The following ANKMY1 variants were observed in gnomAD, a reference collection of about 807,000 sequenced individuals.
ANKMY1 encodes ankyrin repeat and MYND domain containing 1.
In ANKMY1, 98 loss-of-function variants were observed where a neutral mutation model predicts 102.0. The ratio of observed to expected loss-of-function variants is 0.96; its 90% CI spans 0.82 to 1.14. ANKMY1 has a LOEUF of 1.14. Ranked by LOEUF, ANKMY1 falls within the 50% of genes most tolerant of loss-of-function variation. ANKMY1 has a pLI of 0.00. For missense variants in ANKMY1, 1,330 were observed against 1,347.6 expected (o/e 0.99, Z 0.20); for synonymous variants, 582 against 559.9 (o/e 1.04, Z -0.56).
chr2:240,536,291 C>G (rs2086716934), intron 4 of ANKMY1, among the ~76,000 whole-genome samples: 1 of 151,488 alleles, frequency 6.6e-6, no homozygotes, highest in South Asian at 2.1e-4. Context: ...CTTTTTTTTT[C>G]TTTTGGAAAA....
At chr2:240,527,528 C>A (rs1321918112) in intron 5 of ANKMY1, 1 of 13,510 alleles carries the variant, frequency 7.4e-5, no homozygotes, top group South Asian at 2.2e-3. Flanking sequence ...CGTGAGTATA[C>A]TGATGGATGA....
intron 4 of ANKMY1, among the ~76,000 whole-genome samples, chr2:240,551,514 T>A (rs985892650): frequency 1.3e-5 from 2 of 152,234 alleles, no homozygotes; most frequent in African/African-American, 4.8e-5. Context: ...GAACCACAGT[T>A]CTTGCTGTGC....
intron 15 of ANKMY1, among the ~76,000 whole-genome samples, chr2:240,488,695 T>C (rs1490381992): frequency 6.6e-6 from 1 of 152,212 alleles, no homozygotes; most frequent in Non-Finnish European, 1.5e-5. Flanking sequence ...AACTCCTTGG[T>C]TAAATTTATT....
At chr2:240,478,922 G>A (rs143261984), downstream of ANKMY1, among the ~76,000 whole-genome samples, 67 of 152,142 alleles carry the variant, frequency 4.4e-4, no homozygotes, top group East Asian at 0.01. Context: ...GGATGCTGTC[G>A]TCCTTCTCCA....
rs981155811 is a variant in ANKMY1 at position 240,536,065 on chromosome 2, T to C, written c.481-6556A>G. Among the ~76,000 whole-genome samples the C allele has an allele frequency of 8.6e-5, 13 of 152,040 alleles. 1 individual carries two copies. Among genetic ancestry groups the C allele is most frequent in the Non-Finnish European group, 1.5e-5 (1 of 68,014 alleles). On this transcript the variant is annotated intron_variant, in intron 4 of 17. Coordinates refer to ENST00000401804, the MANE Select transcript of ANKMY1 (RefSeq NM_001282771.3). ...GCAGAAAATCAATAACAAAAAACTA[T>C]CTAGAGCCTGAACACTAAGCAATAC...
In ANKMY1 at chr2:240,526,266, G is replaced by A. The variant is rs117389170; in HGVS notation, c.1133C>T (p.Ala378Val). ...AAGCACAGTGTAGCCCTTTGCGTCCGCCACGTCAGCACTAGCAAAGTTGTC... is the reference window on the plus strand; with the variant it reads ...AAGCACAGTGTAGCCCTTTGCGTCCACCACGTCAGCACTAGCAAAGTTGTC... The part of the protein sequence containing the change: ...LKDNFASADV[A>V]DAKGYTVLAA... The change falls in exon 6 of 18, where the codon GCG (alanine) becomes GTG (valine). Residue 378 changes from alanine (A) to valine (V), a missense_variant. Coordinates refer to ENST00000401804, the MANE Select transcript of ANKMY1 (RefSeq NM_001282771.3). 1.3e-4 allele frequency: 216 copies of A among 1,614,126 alleles called. No homozygotes were observed. The East Asian group carries it at 2.8e-3, about 21-fold the overall frequency.
intron 3 of ANKMY1, chr2:240,554,546 G>A (rs1404228082): frequency 7.1e-6 from 2 of 279,902 alleles, no homozygotes; most frequent in African/African-American, 2.1e-5. Flanking sequence ...CTTAAGCCTA[G>A]ACACAGGCAA....
At chr2:240,482,386 A>C (rs1381223332) in intron 15 of ANKMY1, 125 bp from the exon 16 acceptor site, 4 of 821,000 alleles carry the variant, frequency 4.9e-6, no homozygotes, top group Non-Finnish European at 7.4e-6. Context: ...GATAGGGGGA[A>C]GCAAGCCTTT....
chr2:240,557,610 A>C lies in ANKMY1; in HGVS notation c.-17-258T>G, dbSNP rs1270872785. Among the ~76,000 whole-genome samples, 3 of 152,294 alleles carry C rather than the reference A, an allele frequency of 2.0e-5. No homozygotes were observed. In the East Asian group the frequency reaches 5.8e-4, roughly 29 times the overall value. ...CCCTTCGTGGGCGGGAATCACAGCA[A>C]GGGCGGTCGCGGCCACGTGGCCAGG... On this transcript the variant is annotated intron_variant, in intron 1 of 17. Coordinates refer to ENST00000401804, the MANE Select transcript of ANKMY1 (RefSeq NM_001282771.3).
intron 8 of ANKMY1, among the ~76,000 whole-genome samples, chr2:240,521,099 G>C (rs1047780825): frequency 6.6e-6 from 1 of 152,180 alleles, no homozygotes; most frequent in South Asian, 2.1e-4. Context: ...GGACCAGGTG[G>C]GTGGGGGTTG....
chr2:240,484,313 T>G (rs7340463), intron 15 of ANKMY1, among the ~76,000 whole-genome samples: 25,452 of 152,154 alleles, frequency 0.17, 2,160 homozygotes, highest in African/African-American at 0.18. Flanking sequence ...ACTACAAGGC[T>G]ACAGTAACCA....
upstream of ANKMY1, chr2:240,560,501 A>G: frequency 1.1e-6 from 1 of 934,224 alleles, no homozygotes; most frequent in South Asian, 3.2e-5. Context: ...AACGAGACCC[A>G]AGCCCCCTGT....
the ANKMY1 span, among the ~76,000 whole-genome samples, chr2:240,469,368 AC>A: frequency 6.6e-6 from 1 of 151,988 alleles, no homozygotes; most frequent in Non-Finnish European, 1.5e-5. Context: ...AGTTCTGCCC[AC>A]CCTAGTGCTG....
intron 13 of ANKMY1, among the ~76,000 whole-genome samples, chr2:240,504,123 T>C (rs2078670324): frequency 6.6e-6 from 1 of 152,214 alleles, no homozygotes. Flanking sequence ...GAAGAGCCCC[T>C]GAAACAAGGT....
At chr2:240,552,238 G>A (rs2091640368) in intron 4 of ANKMY1, among the ~76,000 whole-genome samples, 1 of 152,182 alleles carries the variant, frequency 6.6e-6, no homozygotes. Flanking sequence ...GAAAGATCTA[G>A]AGCGAACCCC....
At position 240,481,919 on chromosome 2, in the gene ANKMY1, C is replaced by A. The variant is rs867442286; in HGVS notation, c.2885+264G>T. 2.4e-4 allele frequency among the ~76,000 whole-genome samples: 37 copies of A among 152,320 alleles called. No homozygotes were observed. In the Middle Eastern group the frequency reaches 0.01, roughly 42 times the overall value. On this transcript the variant is annotated intron_variant, in intron 16 of 17. Transcript: ENST00000401804. ...CTCCTGCAGGACATGGAACCCCTGT[C>A]TGTGACCCACTCGGAGCAGCCCAGG... is the stretch of plus-strand genomic sequence containing the variant.
rs1448993919 is a variant in ANKMY1 at position 240,524,150 on chromosome 2, C to T, written c.1567G>A (p.Asp523Asn). 5.0e-6 allele frequency: 8 copies of T among 1,614,034 alleles called. No homozygotes were observed. Among genetic ancestry groups the T allele is most frequent in the Non-Finnish European group, 6.8e-6 (8 of 1,180,032 alleles). Reference sequence around the variant, plus strand: ...AGGCTGCCCTTCACCAACGGGGAGTCCCCCTTCAGAGAGCTGCTCCTGTGG... The same window carrying T: ...AGGCTGCCCTTCACCAACGGGGAGTTCCCCTTCAGAGAGCTGCTCCTGTGG... ...IDHRSSSLKGDSPLVKGSLGH... is the reference protein window; with the variant it reads ...IDHRSSSLKGNSPLVKGSLGH... Residue 523 changes from aspartate to asparagine, a missense_variant, in exon 8 of 18, where the codon GAC (aspartate) becomes AAC (asparagine). Asp to Asn is a conservative substitution (Grantham distance 23). Coordinates refer to ENST00000401804, the MANE Select transcript of ANKMY1 (RefSeq NM_001282771.3).
chr2:240,516,000 A>G (rs1278196960), intron 9 of ANKMY1, among the ~76,000 whole-genome samples: 1 of 151,888 alleles, frequency 6.6e-6, no homozygotes, highest in Admixed American at 6.6e-5. Context: ...CTGGGATTAC[A>G]GGCAATAATA....
rs1327620286 is a variant in ANKMY1, at chr2:240,520,692, GAC to G, written c.1833-161_1833-160del. Among the ~76,000 whole-genome samples, 1 of 151,012 alleles carries G rather than the reference GAC, an allele frequency of 6.6e-6. No individual in the cohort carries two copies. The highest frequency in any genetic ancestry group is 1.5e-5 in the Non-Finnish European group (1 of 67,712). ...CACACAGCACACACCCACACACGCA[GAC>G]ACACCACACAGCACACAACTACACA... On this transcript the variant is annotated intron_variant, in intron 8 of 17. Coordinates refer to ENST00000401804, the MANE Select transcript of ANKMY1 (RefSeq NM_001282771.3). The surrounding 1 kb of genome is among the most constrained non-coding windows in gnomAD (Gnocchi z 4.8).
Sources: allele counts gnomAD v4.1 joint callset (sites outside exome capture counted in the v4.1 genomes callset), GRCh38; gene constraint gnomAD v4.1.1; non-coding constraint Gnocchi (gnomAD v3.1); transcripts MANE v1.5; gene names NCBI Gene and HGNC (gene_info 2026-07-23, HGNC 2026-07-21).